ALPK1: variants seen among roughly 807,000 people sequenced by gnomAD.
ALPK1 encodes the protein alpha-protein kinase 1.
ALPK1 carries 110 observed loss-of-function variants against 120.6 expected under a neutral mutation model. The ratio of observed to expected loss-of-function variants is 0.91; its 90% CI spans 0.78 to 1.07. The LOEUF (loss-of-function observed/expected upper bound fraction) is 1.07. Among genes scored for constraint, ALPK1 ranks in the 50% least tolerant of loss-of-function variants. ALPK1 has a pLI of 0.00. For missense variants in ALPK1, 1,498 were observed against 1,483.9 expected (o/e 1.01, Z -0.16); for synonymous variants, 582 against 560.3 (o/e 1.04, Z -0.55).
At chr4:112,423,688 G>C (rs1734102587) in intron 5 of ALPK1, 1 of 606,148 alleles carries the variant, frequency 1.6e-6, no homozygotes, top group Admixed American at 2.1e-5. Context: ...CTATGTGAAT[G>C]AATTATCACA....
At chr4:112,330,042 G>C (rs1729296371) in intron 2 of ALPK1, among the ~76,000 whole-genome samples, 1 of 152,222 alleles carries the variant, frequency 6.6e-6, no homozygotes, top group African/African-American at 2.4e-5. Flanking sequence ...GTAAGCAAAA[G>C]TTAAATTGAA....
intron 9 of ALPK1, chr4:112,427,931 G>A (rs1027826323): frequency 1.0e-5 from 3 of 289,638 alleles, no homozygotes; most frequent in African/African-American, 6.4e-5. Context: ...AAATGATTTT[G>A]AGCCTCACTT....
intron 5 of ALPK1, among the ~76,000 whole-genome samples, chr4:112,419,519 AGAAG>A (rs545176071): frequency 9.2e-5 from 14 of 152,280 alleles, no homozygotes; most frequent in African/African-American, 3.1e-4. Context: ...CAGAAGGGAA[AGAAG>A]GAGGAAAGGA....
intron 1 of ALPK1, among the ~76,000 whole-genome samples, chr4:112,313,444 C>A (rs6834329): frequency 2.6e-5 from 4 of 152,018 alleles, no homozygotes; most frequent in South Asian, 2.1e-4. Flanking sequence ...TGCTGGAGGC[C>A]GGGCATGGTG....
chr4:112,349,550 T>C (rs552148816), intron 2 of ALPK1, among the ~76,000 whole-genome samples: 9,610 of 64,268 alleles, frequency 0.15, 405 homozygotes, highest in African/African-American at 0.24. Flanking sequence ...CCCCAACCCC[T>C]GCCCCCCCCC....
At chr4:112,433,135 G>C (rs6847956) in intron 11 of ALPK1, among the ~76,000 whole-genome samples, 41,594 of 152,030 alleles carry the variant, frequency 0.27, 6,335 homozygotes, top group East Asian at 0.42. Context: ...TACCTAAGCG[G>C]TTTCTTGCCA....
Position 112,432,590 on chromosome 4 carries a change from A to G in ALPK1, c.3034+9A>G, listed in dbSNP as rs1327913204. Reference sequence around the variant, plus strand: ...ACTCCACCGAGCACATAGTAAGTACAATCTTTTCAATAGTTCCCCCCTCAG... The same window carrying G: ...ACTCCACCGAGCACATAGTAAGTACGATCTTTTCAATAGTTCCCCCCTCAG... On this transcript the variant is annotated intron_variant, in intron 11 of 15. Coordinates refer to ENST00000650871, the MANE Select transcript of ALPK1 (RefSeq NM_025144.4). 1 of 1,603,962 alleles carries G rather than the reference A, an allele frequency of 6.2e-7. No individual in the cohort carries two copies. Among genetic ancestry groups the G allele is most frequent in the Non-Finnish European group, 8.5e-7 (1 of 1,176,906 alleles).
At position 112,430,913 on chromosome 4, in the gene ALPK1, CT is replaced by C. The variant is rs748547687; in HGVS notation, c.1368del (p.Asp457ThrfsTer37). Reference sequence around the variant, plus strand: ...TGGGCAAGGGGATTTCCAAAAAATCCTTGACACCTATTCACAGCACCATACT... The same window carrying C: ...TGGGCAAGGGGATTTCCAAAAAATCCTGACACCTATTCACAGCACCATACT... Reference protein sequence around the residue: ...LHGQGDFQKILDTYSQHHTSV... With the variant: ...LHGQGDFQKIXDTYSQHHTSV... On this transcript the variant is annotated frameshift_variant, in exon 11 of 16. Coordinates refer to ENST00000650871, the MANE Select transcript of ALPK1 (RefSeq NM_025144.4). LOFTEE classifies it high-confidence loss of function. The C allele has an allele frequency of 3.1e-6, 5 of 1,614,136 alleles. No homozygotes were observed. Among genetic ancestry groups the C allele is most frequent in the Non-Finnish European group, 4.2e-6 (5 of 1,180,006 alleles).
At chr4:112,320,189 A>G (rs1167311548) in intron 2 of ALPK1, among the ~76,000 whole-genome samples, 1 of 152,234 alleles carries the variant, frequency 6.6e-6, no homozygotes, top group Non-Finnish European at 1.5e-5. Flanking sequence ...TTTGTCACAA[A>G]TGGCTTTTAT....
At chr4:112,349,386 TA>T (rs1235337494) in intron 2 of ALPK1, among the ~76,000 whole-genome samples, 1 of 152,170 alleles carries the variant, frequency 6.6e-6, no homozygotes, top group African/African-American at 2.4e-5. Flanking sequence ...GATAACCTCT[TA>T]AAAAATAAAA....
rs1331132592 is a variant in ALPK1 at position 112,430,656 on chromosome 4, G to A, written c.1109G>A (p.Gly370Glu). The A allele has an allele frequency of 6.2e-7, 1 of 1,614,048 alleles. No individual in the cohort carries two copies. Among genetic ancestry groups the A allele is most frequent in the East Asian group, 2.2e-5 (1 of 44,894 alleles). The change falls in exon 11 of 16, where the codon GGG (glycine) becomes GAG (glutamate). Residue 370 changes from glycine to glutamate, a missense_variant. Transcript: ENST00000650871. ...GLTTVHRRLHGETGTVHAASQ... is the reference protein window; with the variant it reads ...GLTTVHRRLHEETGTVHAASQ... ...ACCACAGTGCACAGAAGGCTCCATG[G>A]GGAGACAGGGACGGTCCATGCAGCA...
At position 112,378,507 on chromosome 4, in the gene ALPK1, A is replaced by G. The variant is rs1049876511; in HGVS notation, c.121+609A>G. On this transcript the variant is annotated intron_variant, in intron 3 of 15. Transcript: ENST00000650871. ...GTATCAGATAAGTCATTGTTTGGGA[A>G]GTTTCCATCACAAAGTCTAGAAAGT... Among the ~76,000 whole-genome samples the G allele has an allele frequency of 5.0e-4, 76 of 152,108 alleles. 1 individual carries two copies. The highest frequency in any genetic ancestry group is 1.7e-3 in the African/African-American group (70 of 41,520).
chr4:112,375,145 T>C (rs991847890), intron 2 of ALPK1, among the ~76,000 whole-genome samples: 38 of 152,058 alleles, frequency 2.5e-4, no homozygotes, highest in African/African-American at 9.2e-4. Context: ...GAAAATCTGT[T>C]GTTTAGTGTA....
intron 2 of ALPK1, among the ~76,000 whole-genome samples, chr4:112,341,640 T>C (rs1729868357): frequency 6.6e-6 from 1 of 152,128 alleles, no homozygotes; most frequent in Non-Finnish European, 1.5e-5. Flanking sequence ...ATGTGCGAGA[T>C]GGTAGTGTTG....
intron 1 of ALPK1, among the ~76,000 whole-genome samples, chr4:112,304,095 C>T (rs1423993822): frequency 1.3e-5 from 2 of 152,128 alleles, no homozygotes; most frequent in Non-Finnish European, 2.9e-5. Flanking sequence ...TTTTTTATGG[C>T]TGCATAGTAT....
intron 4 of ALPK1, among the ~76,000 whole-genome samples, chr4:112,387,614 A>G (rs1302175368): frequency 6.6e-6 from 1 of 152,190 alleles, no homozygotes; most frequent in African/African-American, 2.4e-5. Flanking sequence ...GTAATCTGAT[A>G]GCCCTGATGT....
chr4:112,397,876 T>A (rs1732730157), intron 4 of ALPK1, among the ~76,000 whole-genome samples: 1 of 152,176 alleles, frequency 6.6e-6, no homozygotes, highest in African/African-American at 2.4e-5. Context: ...ATTTAGTGAA[T>A]CTTTATTTAG....
intron 10 of ALPK1, among the ~76,000 whole-genome samples, chr4:112,430,148 A>G (rs1734471263): frequency 6.6e-6 from 1 of 152,214 alleles, no homozygotes. Flanking sequence ...AGCAACAAAC[A>G]CAAGCCTATC....
intron 2 of ALPK1, chr4:112,356,230 G>A (rs867552917): frequency 9.7e-6 from 15 of 1,547,554 alleles, no homozygotes; most frequent in Non-Finnish European, 1.2e-5. Context: ...TGGAATGTCT[G>A]CAGATGAATG....
Sources: allele counts gnomAD v4.1 joint callset (sites outside exome capture counted in the v4.1 genomes callset), GRCh38; gene constraint gnomAD v4.1.1; transcripts MANE v1.5; gene names NCBI Gene and HGNC (gene_info 2026-07-23, HGNC 2026-07-21).